ZNF845: variants seen among roughly 807,000 people sequenced by gnomAD.
ZNF845 encodes zinc finger protein 845.
ZNF845 carries 59 observed loss-of-function variants against 76.1 expected under a neutral mutation model. That is an observed-to-expected ratio of 0.78 (90% CI 0.63 to 0.96). The LOEUF (loss-of-function observed/expected upper bound fraction) is 0.96. Among genes scored for constraint, ZNF845 ranks in the 40% least tolerant of loss-of-function variants. The pLI is 0.00. For missense variants in ZNF845, 1,045 were observed against 1,172.8 expected, an observed-to-expected ratio of 0.89 and a Z score of 1.59; for synonymous variants, 361 against 386.9, an observed-to-expected ratio of 0.93 and a Z score of 0.78.
chr19:53,339,439 G>A (rs2085240688), intron 1 of ZNF845, among the ~76,000 whole-genome samples: 1 of 152,162 alleles, frequency 6.6e-6, no homozygotes, highest in Non-Finnish European at 1.5e-5. Context: ...GAGGGGAGTG[G>A]TTTCCCTGCC....
In ZNF845 at chr19:53,354,043, A is replaced by C; in HGVS notation, c.*455A>C. 2.1e-6 allele frequency: 1 copy of C among 479,294 alleles called. No individual in the cohort carries two copies. The highest frequency in any genetic ancestry group is 1.7e-5 in the South Asian group (1 of 57,182). The allele number at this position is 479,294 out of a possible 1,614,324, so 29.7% of individuals were successfully genotyped here. A position where few individuals can be genotyped will look rare whatever the true frequency, so the allele number is the denominator to read the frequency against. On this transcript the variant is annotated 3_prime_UTR_variant, in exon 4 of 4. Transcript: ENST00000458035. ...GTGGCAAGGTCTTCAGTCTAGCTTC[A>C]TCTTATGCAAAACAGGAGACTTCAT...
chr19:53,344,607 T>TAATTTA (rs1049497726), intron 2 of ZNF845, among the ~76,000 whole-genome samples: 1 of 143,410 alleles, frequency 7.0e-6, no homozygotes, highest in African/African-American at 2.6e-5. Context: ...TTATTTTATT[T>TAATTTA]ATTTTATTTT....
intron 3 of ZNF845, among the ~76,000 whole-genome samples, chr19:53,349,768 G>A (rs922728454): frequency 6.6e-6 from 1 of 152,094 alleles, no homozygotes; most frequent in African/African-American, 2.4e-5. Context: ...TGGCACTATG[G>A]CTCACACTTA....
rs1348038819 is a variant in ZNF845, at chr19:53,350,282, G to T, written c.143-536G>T. On this transcript the variant is annotated intron_variant, in intron 3 of 3. Transcript: ENST00000458035. The stretch of plus-strand genomic sequence containing the variant: ...CTGAGTAGCTGGGACTACAGGCATG[G>T]GCCACCACGCCTTGCTTAATTTTGT... Among the ~76,000 whole-genome samples, 3 of 151,976 alleles carry T rather than the reference G, an allele frequency of 2.0e-5. No homozygotes were observed. In the South Asian group the frequency reaches 6.2e-4, roughly 32 times the overall value.
intron 3 of ZNF845, 69 bp downstream of exon 3, chr19:53,345,701 G>T: frequency 6.2e-7 from 1 of 1,600,674 alleles, no homozygotes; most frequent in South Asian, 1.1e-5. Context: ...CTTTTTTTTA[G>T]ATACAATGTC....
chr19:53,351,034 CG>C lies in ZNF845; in HGVS notation c.362del (p.Gly121ValfsTer77). On this transcript the variant is annotated frameshift_variant, in exon 4 of 4. Coordinates refer to ENST00000458035, the MANE Select transcript of ZNF845 (RefSeq NM_138374.3). LOFTEE classifies it high-confidence loss of function. ...EAPMTEIKQL[T>X]GSTNRHDQRH... ...CCCATGACAGAAATCAAACAGTTGA[CG>C]GGTAGTACAAACCGACATGATCAAA... 6.2e-7 allele frequency: 1 copy of C among 1,614,096 alleles called. No individual in the cohort carries two copies. Among genetic ancestry groups the C allele is most frequent in the Non-Finnish European group, 8.5e-7 (1 of 1,180,022 alleles).
At chr19:53,336,792 G>A (rs770481810) in intron 1 of ZNF845, among the ~76,000 whole-genome samples, 3 of 151,784 alleles carry the variant, frequency 2.0e-5, no homozygotes, top group African/African-American at 4.8e-5. Context: ...GAATTTGTTC[G>A]ATTTTTTAAA....
intron 1 of ZNF845, among the ~76,000 whole-genome samples, chr19:53,334,572 A>C (rs1221047335): frequency 3.3e-5 from 5 of 151,674 alleles, no homozygotes; most frequent in Admixed American, 2.6e-4. Context: ...GGAGAATGAG[A>C]GATATGTACA....
chr19:53,343,542 ATTC>A (rs2085272370), intron 2 of ZNF845, among the ~76,000 whole-genome samples: 1 of 152,096 alleles, frequency 6.6e-6, no homozygotes, highest in South Asian at 2.1e-4. Flanking sequence ...CCAAGATGTG[ATTC>A]TTCTTAAGTT....
intron 1 of ZNF845, among the ~76,000 whole-genome samples, chr19:53,334,736 C>G (rs1338214197): frequency 1.8e-5 from 2 of 114,222 alleles, no homozygotes; most frequent in East Asian, 2.3e-4. Flanking sequence ...CCCCCCCCCC[C>G]ATCTCTGTCA....
rs749356222 is a variant in ZNF845 at position 53,351,180 on chromosome 19, A to G, written c.505A>G (p.Asn169Asp). The G allele has an allele frequency of 1.9e-6, 3 of 1,614,256 alleles. No individual in the cohort carries two copies. In the South Asian group the frequency reaches 3.3e-5, roughly 18 times the overall value. The part of the protein sequence containing the change: ...KIGNQVEKSI[N>D]SASLVSTSQR... ...TGGTAATCAAGTTGAGAAGTCTATC[A>G]ACAGTGCTTCGTTGGTTTCAACATC... Residue 169 changes from asparagine to aspartate, a missense_variant, in exon 4 of 4, where the codon AAC (asparagine) becomes GAC (aspartate). Physicochemically the swap from Asn to Asp is conservative, Grantham distance 23. Transcript: ENST00000458035.
chr19:53,344,788 G>A (rs143207273), intron 2 of ZNF845, among the ~76,000 whole-genome samples: 1,915 of 151,700 alleles, frequency 0.013, 19 homozygotes, highest in Middle Eastern at 0.021. Flanking sequence ...GTGCCACAAC[G>A]CCTGGATGAT....
chr19:53,342,303 G>A (rs1342197364), intron 2 of ZNF845, among the ~76,000 whole-genome samples: 3 of 151,980 alleles, frequency 2.0e-5, no homozygotes, highest in Non-Finnish European at 4.4e-5. Flanking sequence ...TTTTATTAGT[G>A]ACGGGCTATC....
At position 53,355,244 on chromosome 19, in the gene ZNF845, A is replaced by G. The variant is rs1173408951; in HGVS notation, c.*1656A>G. 1.3e-5 allele frequency: 2 copies of G among 151,360 alleles called. No homozygotes were observed. The highest frequency in any genetic ancestry group is 2.1e-4 in the South Asian group (1 of 4,792). 9.4% of individuals were successfully genotyped at this position (151,360 alleles called of 1,614,324 possible). A position where few individuals can be genotyped will look rare whatever the true frequency, so the allele number is the denominator to read the frequency against. On this transcript the variant is annotated 3_prime_UTR_variant, in exon 4 of 4. Transcript: ENST00000458035. ...TTCTATATAGAATGTCGTATCATCT[A>G]CAAGGAAATAATTTTTTTTTTTGAG...
chr19:53,342,188 C>T (rs1269478982), intron 2 of ZNF845, among the ~76,000 whole-genome samples: 2 of 151,730 alleles, frequency 1.3e-5, no homozygotes, highest in Non-Finnish European at 2.9e-5. Context: ...GATCTTGGCT[C>T]ACGGCAACCT....
rs58123073 is a variant in ZNF845, at chr19:53,351,833, T to C, written c.1158T>C (p.Asn386=). 9,674 of 1,613,120 alleles carry C rather than the reference T, an allele frequency of 6.0e-3. 420 individuals are homozygous for C. The African/African-American group carries it at 0.1, about 17-fold the overall frequency. ...CTGGAGAGAAACCTTACAAGTGTAA[T>C]GAATGCAGCAGGACCTTTAGTCGGA... ...IHTGEKPYKC[N]ECSRTFSRKS... The change falls in exon 4 of 4, where the codon AAT becomes AAC. Residue 386 remains asparagine, a synonymous_variant. Transcript: ENST00000458035.
chr19:53,346,356 C>T (rs1055560406), intron 3 of ZNF845: 1 of 412,098 alleles, frequency 2.4e-6, no homozygotes, highest in Admixed American at 2.8e-5. Context: ...CGTATGTGAT[C>T]TTGGCTCACC....
At chr19:53,341,155 G>T (rs947457772) in intron 1 of ZNF845, 80 bp from the exon 2 acceptor site, 29 of 1,256,962 alleles carry the variant, frequency 2.3e-5, no homozygotes, top group Non-Finnish European at 3.2e-5. Context: ...TCAGGGTGAG[G>T]TCTCCTTTGT....
intron 1 of ZNF845, among the ~76,000 whole-genome samples, chr19:53,338,718 ACACG>A (rs912310815): frequency 1.0e-5 from 1 of 100,014 alleles, no homozygotes; most frequent in African/African-American, 4.1e-5. Context: ...ACACACACAC[ACACG>A]CACACACACA....
Sources: allele counts gnomAD v4.1 joint callset (sites outside exome capture counted in the v4.1 genomes callset), GRCh38; gene constraint gnomAD v4.1.1; transcripts MANE v1.5; gene names NCBI Gene and HGNC (gene_info 2026-07-23, HGNC 2026-07-21).